Variants in UPF2 observed in about 807,000 individuals in gnomAD.
The protein encoded by UPF2 is UPF2 regulator of nonsense mediated mRNA decay, also known as regulator of nonsense transcripts 2.
Under a neutral mutation model 141.4 loss-of-function variants are expected in UPF2, and 17 were observed. The ratio of observed to expected loss-of-function variants is 0.12; its 90% CI spans 0.08 to 0.18. UPF2 has a LOEUF of 0.18. Among genes scored for constraint, UPF2 ranks in the 10% least tolerant of loss-of-function variants. The probability of loss-of-function intolerance (pLI) is 1.00; values close to 1 mark genes in which losing one functional copy is unlikely to be tolerated. For synonymous variants in UPF2, 540 were observed against 498.0 expected (o/e 1.08, Z -1.12); for missense variants, 1,152 against 1,515.9 (o/e 0.76, Z 3.99).
At chr10:11,983,929 CT>C (rs879883321) in intron 8 of UPF2, among the ~76,000 whole-genome samples, 21 of 148,070 alleles carry the variant, frequency 1.4e-4, no homozygotes, top group Non-Finnish European at 2.0e-4. Flanking sequence ...TAATTGATAA[CT>C]TTTTTTTTTT....
At chr10:12,006,648 A>G (rs1834040129) in intron 4 of UPF2, among the ~76,000 whole-genome samples, 1 of 152,238 alleles carries the variant, frequency 6.6e-6, no homozygotes, top group Non-Finnish European at 1.5e-5. Flanking sequence ...GTATAAACAA[A>G]AGCAAAAAAC....
At chr10:12,005,151 C>T (rs1406214056) in intron 4 of UPF2, among the ~76,000 whole-genome samples, 1 of 150,826 alleles carries the variant, frequency 6.6e-6, no homozygotes, top group African/African-American at 2.4e-5. Flanking sequence ...ATACTATTTA[C>T]ATCATACTTA....
chr10:12,004,403 A>C (rs1267281554), intron 5 of UPF2, 127 bp downstream of exon 5: 6 of 686,406 alleles, frequency 8.7e-6, no homozygotes, highest in South Asian at 4.4e-5. Context: ...TCACTCATTT[A>C]CTCTAATGAC....
chr10:11,974,133 C>G (rs1451782429), intron 9 of UPF2, among the ~76,000 whole-genome samples: 4 of 152,100 alleles, frequency 2.6e-5, no homozygotes, highest in African/African-American at 9.7e-5. Flanking sequence ...ATTTTATTCT[C>G]TTTGAAGCAA....
rs1217752556 is a variant in UPF2 at position 11,956,575 on chromosome 10, G to C, written c.2371-52C>G. On this transcript the variant is annotated intron_variant, in intron 12 of 21. Coordinates refer to ENST00000357604, the MANE Select transcript of UPF2 (RefSeq NM_015542.4). This position sits in a 1 kb window ranked among gnomAD's most constrained non-coding sequence, Gnocchi z 4.2. ...TATTAAGATAAGTACACAGTAGCCT[G>C]ACCAAATAATACAGAAATTTTGCTA... The C allele has an allele frequency of 6.5e-7, 1 of 1,538,298 alleles. No homozygotes were observed. Among genetic ancestry groups the C allele is most frequent in the Admixed American group, 1.9e-5 (1 of 52,470 alleles).
At chr10:11,990,744 T>G (rs1833765691) in intron 8 of UPF2, among the ~76,000 whole-genome samples, 1 of 145,062 alleles carries the variant, frequency 6.9e-6, no homozygotes, top group South Asian at 2.2e-4. Context: ...ATCTCAGCAC[T>G]TCGGGAGGCC....
chr10:11,925,503 G>T (rs182757320), intron 21 of UPF2, among the ~76,000 whole-genome samples: 8 of 152,374 alleles, frequency 5.3e-5, no homozygotes, highest in Admixed American at 5.2e-4. Flanking sequence ...GCACCTACTA[G>T]GTGCCAGGCA....
chr10:11,987,153 T>C (rs1193493405), intron 8 of UPF2, among the ~76,000 whole-genome samples: 1 of 152,058 alleles, frequency 6.6e-6, no homozygotes, highest in Non-Finnish European at 1.5e-5. Flanking sequence ...TTGATCGGAG[T>C]GATGGACACA....
intron 15 of UPF2, 91 bp downstream of exon 15, chr10:11,951,975 T>G (rs1427531598): frequency 3.1e-6 from 4 of 1,310,106 alleles, no homozygotes; most frequent in African/African-American, 1.5e-5. Context: ...AAAGATACAA[T>G]GTAAGCTCTG....
At chr10:12,040,054 T>G (rs1834708385) in intron 1 of UPF2, among the ~76,000 whole-genome samples, 1 of 152,362 alleles carries the variant, frequency 6.6e-6, no homozygotes, top group East Asian at 1.9e-4. Context: ...TTCATGACTC[T>G]TTAATAAGAT....
intron 1 of UPF2, 164 bp from the exon 2 acceptor site, chr10:12,035,605 T>C (rs1834611405): frequency 1.4e-6 from 1 of 730,850 alleles, no homozygotes; most frequent in East Asian, 3.1e-5. Flanking sequence ...AAGTTATTCA[T>C]CACATTCCAC....
intron 11 of UPF2, among the ~76,000 whole-genome samples, chr10:11,961,828 C>T (rs1833246657): frequency 6.6e-6 from 1 of 152,162 alleles, no homozygotes. Flanking sequence ...GCGAAATCAT[C>T]ATATACTAGG....
chr10:11,983,432 G>C (rs950999853), intron 8 of UPF2, among the ~76,000 whole-genome samples: 9 of 152,082 alleles, frequency 5.9e-5, no homozygotes, highest in Admixed American at 3.3e-4. Flanking sequence ...GAGTGCAGTG[G>C]CATGATCTCG....
At chr10:12,017,255 T>C (rs907072627) in intron 3 of UPF2, among the ~76,000 whole-genome samples, 8 of 152,130 alleles carry the variant, frequency 5.3e-5, no homozygotes, top group Admixed American at 2.6e-4. Flanking sequence ...GGAAAATATA[T>C]CTCAGAATAA....
rs575861947 is a variant in UPF2 at position 11,963,006 on chromosome 10, CTATT to C, written c.2184+999_2184+1002del. ...ATTTCCCATAATGTATTTCAATTCT[CTATT>C]TATTTGTCTGACTGTCCTATTAGGC... is the stretch of plus-strand genomic sequence containing the variant. On this transcript the variant is annotated intron_variant, in intron 11 of 21. Coordinates refer to ENST00000357604, the MANE Select transcript of UPF2 (RefSeq NM_015542.4). Among the ~76,000 whole-genome samples, 8 of 152,182 alleles carry C rather than the reference CTATT, an allele frequency of 5.3e-5. No homozygotes were observed. In the East Asian group the frequency reaches 7.7e-4, roughly 15 times the overall value.
chr10:12,031,143 C>T (rs986818898), intron 2 of UPF2, among the ~76,000 whole-genome samples: 30 of 141,180 alleles, frequency 2.1e-4, no homozygotes, highest in African/African-American at 6.9e-4. Context: ...CACTGCAGTC[C>T]GGCCTGGGCG....
chr10:11,951,291 G>A lies in UPF2; in HGVS notation c.3034+775C>T, dbSNP rs143764340. Among the ~76,000 whole-genome samples, 511 of 152,238 alleles carry A rather than the reference G, an allele frequency of 3.4e-3. 3 individuals carry two copies. Among genetic ancestry groups the A allele is most frequent in the African/African-American group, 0.011 (471 of 41,534 alleles). ...TTGGCCAGGCTGGTCTCAAACTCCTGACCTCAGGTGATCTGCCTGCCTCGG... is the reference window on the plus strand; with the variant it reads ...TTGGCCAGGCTGGTCTCAAACTCCTAACCTCAGGTGATCTGCCTGCCTCGG... On this transcript the variant is annotated intron_variant, in intron 15 of 21. Transcript: ENST00000357604.
chr10:12,034,600 G>A (rs1356691303), intron 2 of UPF2, among the ~76,000 whole-genome samples: 2 of 152,206 alleles, frequency 1.3e-5, no homozygotes, highest in Non-Finnish European at 2.9e-5. Context: ...GAGGTCAGGA[G>A]CTCAAGACCA....
In UPF2 at chr10:11,929,891, T is replaced by G. The variant is rs1832761570; in HGVS notation, c.3783A>C (p.Ala1261=). The change falls in exon 21 of 22, where the codon GCA becomes GCC. Residue 1261 remains alanine, a synonymous_variant. Coordinates refer to ENST00000357604, the MANE Select transcript of UPF2 (RefSeq NM_015542.4). ...RYQHPKGAPN[A]DLIFKTGGRR... The stretch of plus-strand genomic sequence containing the variant: ...TCCCACCAGTCTTAAAGATTAGATC[T>G]GCATTAGGTGCTCCCTTCGGATGTT... The G allele has an allele frequency of 6.2e-7, 1 of 1,614,230 alleles. No individual in the cohort carries two copies. The highest frequency in any genetic ancestry group is 1.6e-4 in the Middle Eastern group (1 of 6,062).
Sources: allele counts gnomAD v4.1 joint callset (sites outside exome capture counted in the v4.1 genomes callset), GRCh38; gene constraint gnomAD v4.1.1; non-coding constraint Gnocchi (gnomAD v3.1); transcripts MANE v1.5; gene names NCBI Gene and HGNC (gene_info 2026-07-23, HGNC 2026-07-21).